The following VRK2 variants were observed in gnomAD, a reference collection of about 807,000 sequenced individuals.
The protein encoded by VRK2 is serine/threonine-protein kinase VRK2.
Under a neutral mutation model 57.6 loss-of-function variants are expected in VRK2, and 60 were observed. That is an observed-to-expected ratio of 1.04 (90% CI 0.85 to 1.29). The LOEUF (loss-of-function observed/expected upper bound fraction) is 1.29, where lower values mean the gene tolerates loss of function less well. Ranked by LOEUF, VRK2 falls within the 50% of genes most tolerant of loss-of-function variation. The probability of loss-of-function intolerance (pLI) is 0.00; values close to 1 mark genes in which losing one functional copy is unlikely to be tolerated. For missense variants in VRK2, 705 were observed against 588.1 expected, an observed-to-expected ratio of 1.20 and a Z score of -2.06; for synonymous variants, 231 against 199.2, an observed-to-expected ratio of 1.16 and a Z score of -1.35.
intron 1 of VRK2, among the ~76,000 whole-genome samples, chr2:57,947,962 C>T (rs1347259769): frequency 6.6e-6 from 1 of 152,158 alleles, no homozygotes; most frequent in African/African-American, 2.4e-5. Context: ...TGCTGAGCCT[C>T]TAAGTACTCT....
chr2:58,153,617 G>A (rs1322905692), intron 12 of VRK2, among the ~76,000 whole-genome samples: 3 of 152,068 alleles, frequency 2.0e-5, no homozygotes, highest in Non-Finnish European at 4.4e-5. Context: ...TAATTTGCTA[G>A]TATTTTAATG....
chr2:57,984,928 A>G (rs1371651264), intron 1 of VRK2, among the ~76,000 whole-genome samples: 2 of 152,012 alleles, frequency 1.3e-5, no homozygotes, highest in Non-Finnish European at 2.9e-5. Context: ...AATAGGAATG[A>G]ACATTTTTAA....
intron 1 of VRK2, among the ~76,000 whole-genome samples, chr2:58,001,357 T>C (rs1673083523): frequency 1.3e-5 from 2 of 152,204 alleles, no homozygotes; most frequent in South Asian, 4.1e-4. Flanking sequence ...TATTATTATT[T>C]TGTTTGGATT....
chr2:58,106,330 T>A (rs1242188709), intron 7 of VRK2, among the ~76,000 whole-genome samples: 1 of 152,072 alleles, frequency 6.6e-6, no homozygotes, highest in Non-Finnish European at 1.5e-5. Context: ...CTGGAAAGCC[T>A]GTTAAGTCAC....
chr2:58,009,405 T>G (rs920737975), intron 1 of VRK2, among the ~76,000 whole-genome samples: 2 of 151,724 alleles, frequency 1.3e-5, no homozygotes, highest in African/African-American at 2.4e-5. Context: ...TTGTACTGAA[T>G]ATCAGCCATG....
At chr2:57,988,308 T>G (rs1195239340) in intron 1 of VRK2, among the ~76,000 whole-genome samples, 9 of 152,246 alleles carry the variant, frequency 5.9e-5, no homozygotes, top group African/African-American at 2.2e-4. Context: ...TCTTGAGATA[T>G]TTTATCTTCA....
chr2:58,067,307 G>C (rs578119989), intron 2 of VRK2, among the ~76,000 whole-genome samples: 3 of 152,066 alleles, frequency 2.0e-5, no homozygotes, highest in African/African-American at 7.2e-5. Context: ...TTCACCTTGT[G>C]ATCATGTGAA....
intron 8 of VRK2, 21 bp from the exon 9 acceptor site, chr2:58,131,783 TTCTC>T: frequency 6.4e-7 from 1 of 1,566,822 alleles, no homozygotes; most frequent in Non-Finnish European, 8.6e-7. Context: ...TCCCTTATCT[TTCTC>T]TCTAATGCTT....
At chr2:58,118,157 G>T (rs995223439) in intron 7 of VRK2, among the ~76,000 whole-genome samples, 3 of 151,832 alleles carry the variant, frequency 2.0e-5, no homozygotes, top group Admixed American at 6.6e-5. Flanking sequence ...AGGGGTTCTT[G>T]CCCCTCCCCC....
At chr2:58,108,396 A>T (rs1019921891) in intron 7 of VRK2, among the ~76,000 whole-genome samples, 5 of 152,078 alleles carry the variant, frequency 3.3e-5, no homozygotes, top group Non-Finnish European at 7.4e-5. Flanking sequence ...TGCTGATATT[A>T]TTATTCTTTG....
chr2:58,005,601 CAAG>C (rs943668015), intron 1 of VRK2, among the ~76,000 whole-genome samples: 3 of 151,386 alleles, frequency 2.0e-5, no homozygotes, highest in Admixed American at 6.6e-5. Flanking sequence ...CATAAAAATG[CAAG>C]AAGAAGAAAA....
chr2:58,104,036 G>C (rs1573118953), intron 7 of VRK2, among the ~76,000 whole-genome samples: 1 of 151,638 alleles, frequency 6.6e-6, no homozygotes, highest in East Asian at 1.9e-4. Context: ...CTTCATGATA[G>C]AAACCCTCTA....
intron 1 of VRK2, among the ~76,000 whole-genome samples, chr2:57,965,010 A>G (rs1671872376): frequency 6.6e-6 from 1 of 152,196 alleles, no homozygotes; most frequent in Non-Finnish European, 1.5e-5. Context: ...GTAGATGCAA[A>G]ATACATATTT....
rs368576726 is a variant in VRK2, at chr2:58,000,120, C to G, written c.-438-25545C>G. On this transcript the variant is annotated intron_variant, in intron 1 of 15. Transcript: ENST00000417641. ...TGCATTCAATTATTTCTTCATCATT[C>G]ATCCTATAAATATTTATTGAGCTCC... Among the ~76,000 whole-genome samples the G allele has an allele frequency of 3.5e-4, 54 of 152,308 alleles. 1 individual carries two copies. The South Asian group carries it at 0.01, about 29-fold the overall frequency.
intron 1 of VRK2, among the ~76,000 whole-genome samples, chr2:58,024,387 T>C (rs1385361622): frequency 1.3e-5 from 2 of 152,208 alleles, no homozygotes; most frequent in East Asian, 3.9e-4. Flanking sequence ...AATAAGGAAT[T>C]AATAGAAGTT....
At chr2:58,066,321 A>G (rs1008974304) in intron 2 of VRK2, among the ~76,000 whole-genome samples, 1 of 152,148 alleles carries the variant, frequency 6.6e-6, no homozygotes, top group African/African-American at 2.4e-5. Context: ...TGCCTTTTCT[A>G]CTTCAATTGA....
At chr2:58,126,095 C>A (rs935847217) in intron 8 of VRK2, among the ~76,000 whole-genome samples, 2 of 151,222 alleles carry the variant, frequency 1.3e-5, no homozygotes, top group Non-Finnish European at 2.9e-5. Flanking sequence ...TTCAGTCCAA[C>A]TATGAGATCA....
In VRK2 at chr2:58,046,868, G is replaced by A. The variant is rs1474032277; in HGVS notation, c.-6G>A. On this transcript the variant is annotated splice_region_variant and 5_prime_UTR_variant, in exon 1 of 13. Transcript: ENST00000340157. ...CCGGCGACGGGGGATCCTGAGGCCC[G>A]GTCAGTCTCTTGCTCTGGGGTCTTG... 4.1e-6 allele frequency: 4 copies of A among 985,416 alleles called. No homozygotes were observed. Among genetic ancestry groups the A allele is most frequent in the Non-Finnish European group, 4.8e-6 (4 of 829,914 alleles). 61.0% of individuals were successfully genotyped at this position (985,416 alleles called of 1,614,324 possible). A position where few individuals can be genotyped will look rare whatever the true frequency, so the allele number is the denominator to read the frequency against.
intron 1 of VRK2, among the ~76,000 whole-genome samples, chr2:57,944,077 A>C (rs1461142169): frequency 6.6e-6 from 1 of 151,454 alleles, no homozygotes; most frequent in East Asian, 1.9e-4. Flanking sequence ...CAAACAGAAC[A>C]ACAACAAAAA....
Sources: allele counts gnomAD v4.1 joint callset (sites outside exome capture counted in the v4.1 genomes callset), GRCh38; gene constraint gnomAD v4.1.1; transcripts MANE v1.5; gene names NCBI Gene and HGNC (gene_info 2026-07-23, HGNC 2026-07-21).